Variants in C4orf17 observed in about 807,000 individuals in gnomAD.
C4orf17 encodes the protein uncharacterized protein C4orf17.
In C4orf17, 25 loss-of-function variants were observed where a neutral mutation model predicts 32.0. That is an observed-to-expected ratio of 0.78 (90% CI 0.57 to 1.09). The LOEUF (loss-of-function observed/expected upper bound fraction) is 1.09, where lower values mean the gene tolerates loss of function less well. Ranked by LOEUF, C4orf17 falls within the 50% of genes least tolerant of loss-of-function variation. C4orf17 has a pLI of 0.00. For synonymous variants in C4orf17, 149 were observed against 145.8 expected, an observed-to-expected ratio of 1.02 and a Z score of -0.16; for missense variants, 420 against 420.0, an observed-to-expected ratio of 1.00 and a Z score of 0.00.
At position 99,526,244 on chromosome 4, in the gene C4orf17, T is replaced by G. The variant is rs1243344838; in HGVS notation, c.402+1659T>G. 2.6e-5 allele frequency among the ~76,000 whole-genome samples: 4 copies of G among 152,246 alleles called. No homozygotes were observed. The South Asian group carries it at 8.3e-4, about 31-fold the overall frequency. On this transcript the variant is annotated intron_variant, in intron 4 of 8. Coordinates refer to ENST00000326581, the MANE Select transcript of C4orf17 (RefSeq NM_032149.3). ...GCCAAATGCTGTTTCAGTATCTAGC[T>G]GAGATGATCGAATGATGTTTCTTTT... is the stretch of plus-strand genomic sequence containing the variant.
chr4:99,533,872 T>A (rs1723516692), intron 5 of C4orf17, among the ~76,000 whole-genome samples: 1 of 152,198 alleles, frequency 6.6e-6, no homozygotes, highest in African/African-American at 2.4e-5. Context: ...AGCCCTGCAA[T>A]AGAGGCTACT....
intron 6 of C4orf17, among the ~76,000 whole-genome samples, chr4:99,538,274 G>T (rs2110174311): frequency 6.6e-6 from 1 of 152,328 alleles, no homozygotes; most frequent in East Asian, 1.9e-4. Flanking sequence ...TCGGGACAAT[G>T]ATAAATGGCA....
Position 99,542,083 on chromosome 4 carries a change from T to C in C4orf17, c.1054T>C (p.Cys352Arg), listed in dbSNP as rs1405998571. 6.2e-7 allele frequency: 1 copy of C among 1,614,032 alleles called. No homozygotes were observed. The highest frequency in any genetic ancestry group is 1.3e-5 in the African/African-American group (1 of 75,058). The change falls in exon 9 of 9, where the codon TGT becomes CGT. Residue 352 changes from cysteine (C) to arginine (R), a missense_variant. Physicochemically the swap from Cys to Arg is radical, Grantham distance 180 (BLOSUM62 -3). Coordinates refer to ENST00000326581, the MANE Select transcript of C4orf17 (RefSeq NM_032149.3). ...ATACAACCTCTGTCCCCAAAGAGCA[T>C]GTTATCCTTCAACACACCGGAGGTA... ...QEYNLCPQRA[C>R]YPSTHRR
rs763635728 is a variant in C4orf17, at chr4:99,513,143, C to T, written c.62C>T (p.Ala21Val). The change falls in exon 2 of 9, where the codon GCT becomes GTT. Residue 21 changes from alanine to valine, a missense_variant. Physicochemically the swap from Ala to Val is moderately conservative, Grantham distance 64. Transcript: ENST00000326581. ...QIEGKGSHIM[A>V]RNVSCFLVRH... ...GAGGGCAAAGGCAGCCATATTATGG[C>T]TAGAAATGTAAGCTGCTTTCTAGTC... is the stretch of plus-strand genomic sequence containing the variant. The T allele has an allele frequency of 1.9e-6, 3 of 1,613,836 alleles. No individual in the cohort carries two copies. Among genetic ancestry groups the T allele is most frequent in the Admixed American group, 1.7e-5 (1 of 59,986 alleles).
intron 5 of C4orf17, among the ~76,000 whole-genome samples, chr4:99,535,307 C>T (rs1423912118): frequency 6.6e-6 from 1 of 152,044 alleles, no homozygotes; most frequent in African/African-American, 2.4e-5. Flanking sequence ...GGGAAGTTCT[C>T]CTAGATGATA....
chr4:99,522,712 G>A lies in C4orf17; in HGVS notation c.337+3G>A. On this transcript the variant is annotated splice_donor_region_variant and intron_variant, in intron 3 of 8. Coordinates refer to ENST00000326581, the MANE Select transcript of C4orf17 (RefSeq NM_032149.3). ...AGTGCCTCCACGGCCTCATTCTGGT[G>A]AGTTGAGTTAGAACTGATGAAATGT... 2.5e-6 allele frequency: 4 copies of A among 1,611,482 alleles called. No individual in the cohort carries two copies. The highest frequency in any genetic ancestry group is 3.4e-6 in the Non-Finnish European group (4 of 1,178,472).
chr4:99,537,898 C>T, intron 6 of C4orf17, 148 bp downstream of exon 6: 1 of 662,606 alleles, frequency 1.5e-6, no homozygotes, highest in East Asian at 2.8e-5. Flanking sequence ...AGGGTGATTA[C>T]TGTTCTGCAT....
At chr4:99,518,410 C>T (rs1723221721) in intron 2 of C4orf17, among the ~76,000 whole-genome samples, 1 of 145,214 alleles carries the variant, frequency 6.9e-6, no homozygotes, top group South Asian at 2.2e-4. Flanking sequence ...ACCTGAGCCC[C>T]GAGTTCAAGG....
chr4:99,533,037 T>G lies in C4orf17; in HGVS notation c.546+3079T>G, dbSNP rs375699534. On this transcript the variant is annotated intron_variant, in intron 5 of 8. Transcript: ENST00000326581. ...CAATTAATATGGTTGATGCAGACAG[T>G]GCATGGAGAAAGTGGCAAGAGATGG... 1.6e-4 allele frequency among the ~76,000 whole-genome samples: 25 copies of G among 152,288 alleles called. No individual in the cohort carries two copies. In the East Asian group the frequency reaches 4.2e-3, roughly 26 times the overall value.
chr4:99,518,519 AT>A (rs1480210354), intron 2 of C4orf17, among the ~76,000 whole-genome samples: 2 of 34,766 alleles, frequency 5.8e-5, no homozygotes, highest in African/African-American at 2.0e-4. Flanking sequence ...AAAAAAAAAA[AT>A]ATATATATAT....
chr4:99,528,784 T>C (rs1307868858), intron 4 of C4orf17, among the ~76,000 whole-genome samples: 1 of 152,132 alleles, frequency 6.6e-6, no homozygotes, highest in Non-Finnish European at 1.5e-5. Context: ...ATGGGAATGG[T>C]ATGGGGGAAC....
intron 5 of C4orf17, among the ~76,000 whole-genome samples, chr4:99,532,289 TG>T (rs1723489312): frequency 6.6e-6 from 1 of 152,096 alleles, no homozygotes; most frequent in Non-Finnish European, 1.5e-5. Context: ...AGCAAAGACA[TG>T]GAATCAACCT....
chr4:99,519,520 G>A (rs963880349), intron 2 of C4orf17, among the ~76,000 whole-genome samples: 27 of 152,164 alleles, frequency 1.8e-4, no homozygotes, highest in Non-Finnish European at 1.5e-5. Flanking sequence ...ACTTCCTAAG[G>A]AGTAGTTGCC....
rs1163545039 is a variant in C4orf17, at chr4:99,529,818, G to T, written c.406G>T (p.Glu136Ter). The T allele has an allele frequency of 1.9e-6, 3 of 1,603,374 alleles. No individual in the cohort carries two copies. Among genetic ancestry groups the T allele is most frequent in the South Asian group, 2.3e-5 (2 of 88,856 alleles). ...SENPLVIKKEEIKAKRPPSPP... is the reference protein window; with the variant it reads ...SENPLVIKKE ...TTATATTATACTTTTGATTTAGGAA[G>T]AAATTAAGGCCAAAAGACCACCATC... The change falls in exon 5 of 9, where the codon GAA becomes TAA. Residue 136 changes from glutamate (E) to a stop codon, truncating the protein, a stop_gained. Coordinates refer to ENST00000326581, the MANE Select transcript of C4orf17 (RefSeq NM_032149.3). LOFTEE classifies it high-confidence loss of function.
At chr4:99,529,137 G>A (rs925872587) in intron 4 of C4orf17, among the ~76,000 whole-genome samples, 8 of 152,106 alleles carry the variant, frequency 5.3e-5, no homozygotes, top group African/African-American at 1.9e-4. Flanking sequence ...GGCTCATTTA[G>A]GCACTAAGTT....
intron 1 of C4orf17, among the ~76,000 whole-genome samples, chr4:99,512,249 C>T (rs1723104434): frequency 6.6e-6 from 1 of 152,148 alleles, no homozygotes; most frequent in Non-Finnish European, 1.5e-5. Flanking sequence ...ACCAGAAAAT[C>T]ATCCTTCTTA....
intron 5 of C4orf17, 82 bp downstream of exon 5, chr4:99,530,040 C>T (rs2089079): frequency 0.31 from 343,224 of 1,096,686 alleles, 55,504 homozygotes; most frequent in African/African-American, 0.49. Context: ...ATCCTTAAAA[C>T]TCTTAAATGA....
At chr4:99,537,617 T>G in intron 5 of C4orf17, 52 bp from the exon 6 acceptor site, 1 of 1,277,958 alleles carries the variant, frequency 7.8e-7, no homozygotes, top group East Asian at 2.3e-5. Context: ...GGAAAACTGA[T>G]AAGCCTTGTA....
chr4:99,518,585 G>GAGAGAGA (rs1560585698), intron 2 of C4orf17, among the ~76,000 whole-genome samples: 1 of 61,110 alleles, frequency 1.6e-5, no homozygotes, highest in Non-Finnish European at 3.2e-5. Flanking sequence ...AGAGAGAGAG[G>GAGAGAGA]GAGGGAGACA....
Sources: gnomAD v4.1 joint callset for allele counts (sites outside exome capture counted in the v4.1 genomes callset) on GRCh38, gnomAD v4.1.1 for gene constraint, MANE v1.5 for transcripts, NCBI Gene and HGNC (gene_info 2026-07-23, HGNC 2026-07-21) for gene names.